Variants in SMYD3 observed in about 807,000 individuals in gnomAD.
SMYD3 encodes the protein SET and MYND domain containing 3.
Under a neutral mutation model 57.7 loss-of-function variants are expected in SMYD3, and 36 were observed. The observed-to-expected ratio is 0.62, with a 90% CI of 0.48 to 0.82. The LOEUF is 0.82. Ranked by LOEUF, SMYD3 falls within the 40% of genes least tolerant of loss-of-function variation. SMYD3 has a pLI of 0.00. For synonymous variants in SMYD3, 211 were observed against 195.0 expected (o/e 1.08, Z -0.68); for missense variants, 515 against 538.8 (o/e 0.96, Z 0.44).
rs35540445 is a variant in SMYD3 at position 245,894,406 on chromosome 1, G to C, written c.813+21124C>G. 2.6e-5 allele frequency among the ~76,000 whole-genome samples: 4 copies of C among 151,546 alleles called. 1 individual carries two copies. Among genetic ancestry groups the C allele is most frequent in the Non-Finnish European group, 5.9e-5 (4 of 67,836 alleles). On this transcript the variant is annotated intron_variant, in intron 8 of 11. Transcript: ENST00000490107. Reference sequence around the variant, plus strand: ...AAACCTGGCCACCCCAACCAGCAGCGGAAACCCGCTCAGGTCCCCTTCCAC... The same window carrying C: ...AAACCTGGCCACCCCAACCAGCAGCCGAAACCCGCTCAGGTCCCCTTCCAC...
intron 5 of SMYD3, among the ~76,000 whole-genome samples, chr1:246,305,167 G>A (rs979295763): frequency 6.6e-6 from 1 of 152,168 alleles, no homozygotes; most frequent in Non-Finnish European, 1.5e-5. Context: ...TGCTGAATCC[G>A]AAAGGGTTCG....
intron 5 of SMYD3, among the ~76,000 whole-genome samples, chr1:246,160,679 T>C (rs2062102544): frequency 6.6e-6 from 1 of 152,186 alleles, no homozygotes; most frequent in Non-Finnish European, 1.5e-5. Flanking sequence ...TAACCCCACA[T>C]GACGTCTCTC....
At chr1:246,401,791 T>G (rs562018755) in intron 1 of SMYD3, among the ~76,000 whole-genome samples, 1 of 151,882 alleles carries the variant, frequency 6.6e-6, no homozygotes, top group Non-Finnish European at 1.5e-5. Context: ...GGCACGATCT[T>G]GGCTCACCAC....
At chr1:246,046,688 G>C (rs2059972096) in intron 5 of SMYD3, among the ~76,000 whole-genome samples, 1 of 148,284 alleles carries the variant, frequency 6.7e-6, no homozygotes, top group East Asian at 2.0e-4. Flanking sequence ...TTTTGCTGAT[G>C]TAAGAAGAAA....
intron 1 of SMYD3, among the ~76,000 whole-genome samples, chr1:246,427,438 T>G (rs1243283948): frequency 6.7e-6 from 1 of 148,254 alleles, no homozygotes; most frequent in African/African-American, 2.5e-5. Context: ...GAGAATGGCG[T>G]GAACCCGGGA....
intron 1 of SMYD3, among the ~76,000 whole-genome samples, chr1:246,443,369 A>G (rs953620300): frequency 6.6e-6 from 1 of 152,258 alleles, no homozygotes; most frequent in African/African-American, 2.4e-5. Context: ...CAATTTATTT[A>G]GGAAGCTCTA....
chr1:246,348,795 T>C lies in SMYD3; in HGVS notation c.228+6236A>G, dbSNP rs201191142. 1.7e-3 allele frequency among the ~76,000 whole-genome samples: 14 copies of C among 8,342 alleles called. No individual in the cohort carries two copies. The East Asian group carries it at 0.35, about 210-fold the overall frequency. 5.5% of individuals were successfully genotyped at this position (8,342 alleles called of 152,430 possible). ...TTAAATAAATTTGAAACAATAAAAATAAATTTTTTTCTTTATAAATTACTC... is the reference window on the plus strand; with the variant it reads ...TTAAATAAATTTGAAACAATAAAAACAAATTTTTTTCTTTATAAATTACTC... On this transcript the variant is annotated intron_variant, in intron 2 of 11. Coordinates refer to ENST00000490107, the MANE Select transcript of SMYD3 (RefSeq NM_001167740.2).
At chr1:246,124,820 A>G (rs1259580767) in intron 5 of SMYD3, among the ~76,000 whole-genome samples, 1 of 149,446 alleles carries the variant, frequency 6.7e-6, no homozygotes, top group Non-Finnish European at 1.5e-5. Context: ...TGACACTGTA[A>G]TAGAGTGATC....
intron 5 of SMYD3, among the ~76,000 whole-genome samples, chr1:246,039,463 G>C (rs1356284710): frequency 3.3e-5 from 5 of 152,144 alleles, no homozygotes; most frequent in African/African-American, 1.2e-4. Flanking sequence ...AAGGCTTTGG[G>C]GAATAAGAAA....
At chr1:246,399,797 A>C (rs1016104843) in intron 1 of SMYD3, among the ~76,000 whole-genome samples, 3 of 152,248 alleles carry the variant, frequency 2.0e-5, no homozygotes, top group Admixed American at 6.5e-5. Flanking sequence ...CATCCTGTCA[A>C]CTTTATTACT....
intron 10 of SMYD3, among the ~76,000 whole-genome samples, chr1:245,836,638 C>G (rs1375385992): frequency 6.6e-6 from 1 of 152,194 alleles, no homozygotes; most frequent in Non-Finnish European, 1.5e-5. Context: ...GCTGGCCTTG[C>G]TTGTGGCATC....
At chr1:245,874,706 T>C (rs1236741443) in intron 8 of SMYD3, among the ~76,000 whole-genome samples, 5 of 151,724 alleles carry the variant, frequency 3.3e-5, no homozygotes, top group Non-Finnish European at 7.4e-5. Flanking sequence ...TCTCAGCCTT[T>C]AAAAAAAAAT....
chr1:245,784,901 G>A (rs954067891), intron 10 of SMYD3, among the ~76,000 whole-genome samples: 5 of 147,436 alleles, frequency 3.4e-5, no homozygotes, highest in African/African-American at 1.3e-4. Flanking sequence ...CCAGGCTGGA[G>A]TGTAGTGGCA....
chr1:246,422,686 T>C (rs1449661867), intron 1 of SMYD3, among the ~76,000 whole-genome samples: 1 of 152,178 alleles, frequency 6.6e-6, no homozygotes, highest in Non-Finnish European at 1.5e-5. Context: ...CCTCCCAAAG[T>C]GCTGGGATTA....
chr1:246,492,383 G>A (rs187785787), intron 1 of SMYD3, among the ~76,000 whole-genome samples: 13 of 152,230 alleles, frequency 8.5e-5, no homozygotes, highest in South Asian at 2.1e-4. Context: ...GCTAAGAACC[G>A]GTATCTCAGA....
chr1:246,440,670 T>G (rs935297642), intron 1 of SMYD3, among the ~76,000 whole-genome samples: 2 of 152,160 alleles, frequency 1.3e-5, no homozygotes, highest in Admixed American at 6.5e-5. Context: ...GTTGAAGATC[T>G]TCGATGTGAC....
intron 5 of SMYD3, among the ~76,000 whole-genome samples, chr1:245,978,522 C>G (rs12025149): frequency 6.6e-6 from 1 of 151,922 alleles, no homozygotes; most frequent in Non-Finnish European, 1.5e-5. Flanking sequence ...TTCTACTTCA[C>G]GAGTGGGTAG....
intron 5 of SMYD3, among the ~76,000 whole-genome samples, chr1:246,156,513 T>A (rs1320097536): frequency 6.6e-6 from 1 of 152,202 alleles, no homozygotes; most frequent in Non-Finnish European, 1.5e-5. Context: ...TGATCCAAGG[T>A]GAACTCACAG....
intron 1 of SMYD3, among the ~76,000 whole-genome samples, chr1:246,474,132 T>A (rs561097979): frequency 1.3e-5 from 2 of 152,338 alleles, no homozygotes; most frequent in South Asian, 4.1e-4. Context: ...TAATTCTACA[T>A]CGGAGTGTTT....
Sources: gnomAD v4.1 joint callset for allele counts (sites outside exome capture counted in the v4.1 genomes callset) on GRCh38, gnomAD v4.1.1 for gene constraint, MANE v1.5 for transcripts, NCBI Gene and HGNC (gene_info 2026-07-23, HGNC 2026-07-21) for gene names.